Variants in USP34 observed in about 807,000 individuals in gnomAD.
USP34 encodes ubiquitin specific peptidase 34, also known as ubiquitin carboxyl-terminal hydrolase 34.
A neutral mutation model predicts 460.3 loss-of-function variants in USP34; 70 were observed. The ratio of observed to expected loss-of-function variants is 0.15; its 90% confidence interval spans 0.13 to 0.19. The LOEUF is 0.19. Ranked by LOEUF, USP34 falls within the 10% of genes least tolerant of loss-of-function variation. USP34 has a pLI of 1.00. For missense variants in USP34, 3,985 were observed against 4,236.2 expected (o/e 0.94, Z 1.65); for synonymous variants, 1,647 against 1,405.3 (o/e 1.17, Z -3.85).
At chr2:61,393,859 C>G (rs538810886) in intron 5 of USP34, among the ~76,000 whole-genome samples, 1 of 152,112 alleles carries the variant, frequency 6.6e-6, no homozygotes, top group African/African-American at 2.4e-5. Flanking sequence ...CTTTCCGGGC[C>G]GGGCACAGTC....
chr2:61,459,355 A>T (rs13410367), intron 1 of USP34, among the ~76,000 whole-genome samples: 9 of 152,222 alleles, frequency 5.9e-5, no homozygotes, highest in African/African-American at 2.2e-4. Context: ...AAAACACTGT[A>T]TAAGAAATTT....
chr2:61,387,213 C>G (rs1030481458), intron 5 of USP34, among the ~76,000 whole-genome samples: 1 of 151,976 alleles, frequency 6.6e-6, no homozygotes, highest in Non-Finnish European at 1.5e-5. Context: ...GTAATCAAAG[C>G]ACTTTGGGAG....
chr2:61,187,804 C>T lies in USP34; in HGVS notation c.*298G>A. The T allele has an allele frequency of 4.4e-6, 4 of 915,596 alleles. No individual in the cohort carries two copies. Among genetic ancestry groups the T allele is most frequent in the Non-Finnish European group, 5.7e-6 (4 of 701,258 alleles). The allele number at this position is 915,596 out of a possible 1,614,324, so 56.7% of individuals were successfully genotyped here. A position where few individuals can be genotyped will look rare whatever the true frequency, so the allele number is the denominator to read the frequency against. ...TGCTGTAAGTTTAAATTACATTGTACAGGGCTAGGCAACCCTGTTCTTCCC... is the reference window on the plus strand; with the variant it reads ...TGCTGTAAGTTTAAATTACATTGTATAGGGCTAGGCAACCCTGTTCTTCCC... On this transcript the variant is annotated 3_prime_UTR_variant, in exon 80 of 80. Transcript: ENST00000398571.
intron 1 of USP34, among the ~76,000 whole-genome samples, chr2:61,433,762 A>ACC (rs958773264): frequency 6.6e-6 from 1 of 151,992 alleles, no homozygotes; most frequent in Non-Finnish European, 1.5e-5. Flanking sequence ...GTGCTCCCCA[A>ACC]CCCCCACCTA....
intron 41 of USP34, among the ~76,000 whole-genome samples, chr2:61,268,022 G>A (rs920037574): frequency 6.6e-6 from 1 of 152,066 alleles, no homozygotes; most frequent in African/African-American, 2.4e-5. Context: ...CCAAAGTGCT[G>A]GGATTACAGA....
intron 75 of USP34, among the ~76,000 whole-genome samples, chr2:61,199,624 C>T (rs1318432158): frequency 1.3e-5 from 2 of 152,184 alleles, no homozygotes; most frequent in African/African-American, 2.4e-5. Context: ...AGATTTGCCC[C>T]ATAGACAGCT....
intron 44 of USP34, 57 bp downstream of exon 44, chr2:61,259,654 A>G (rs956166222): frequency 8.0e-5 from 124 of 1,553,698 alleles, no homozygotes; most frequent in Non-Finnish European, 1.0e-4. Flanking sequence ...CCAAAATGCT[A>G]TAATTACAGG....
rs1193164601 is a variant in USP34 at position 61,188,979 on chromosome 2, T to G, written c.9964A>C (p.Lys3322Gln). 1 of 1,614,258 alleles carries G rather than the reference T, an allele frequency of 6.2e-7. No individual in the cohort carries two copies. The highest frequency in any genetic ancestry group is 1.7e-5 in the Admixed American group (1 of 60,030). The change falls in exon 79 of 80, where the codon AAA becomes CAA. Residue 3322 changes from lysine to glutamine, a missense_variant. By Grantham distance (53) the Lys-to-Gln change is moderately conservative. Coordinates refer to ENST00000398571, the MANE Select transcript of USP34 (RefSeq NM_014709.4). ...LIPTLQELLS[K>Q]CRTCLQQRNS... ...CTCTGTTGCAGACAAGTCCTGCATTTGCTTAAAAGCTCTTGCAGAGTTGGA... is the reference window on the plus strand; with the variant it reads ...CTCTGTTGCAGACAAGTCCTGCATTGGCTTAAAAGCTCTTGCAGAGTTGGA...
At chr2:61,220,900 G>C (rs1481615424) in intron 66 of USP34, among the ~76,000 whole-genome samples, 1 of 152,150 alleles carries the variant, frequency 6.6e-6, no homozygotes, top group African/African-American at 2.4e-5. Context: ...ATCTAGAGTG[G>C]GGGTTGGCAA....
At chr2:61,404,577 T>C (rs553324219) in intron 3 of USP34, among the ~76,000 whole-genome samples, 2 of 152,254 alleles carry the variant, frequency 1.3e-5, no homozygotes, top group African/African-American at 4.8e-5. Context: ...AGGAAGCCAA[T>C]CTACCCTAGT....
At position 61,211,911 on chromosome 2, in the gene USP34, T is replaced by G; in HGVS notation, c.8701A>C (p.Asn2901His). The change falls in exon 69 of 80, where the codon AAC becomes CAC. Residue 2901 changes from asparagine to histidine, a missense_variant. By Grantham distance (68) the Asn-to-His change is moderately conservative (BLOSUM62 1). Around this residue, in one of 14 missense-constraint regions of USP34, gnomAD observed 275 missense variants for 292.7 expected, o/e 0.94. Transcript: ENST00000398571. ...TGAGCTATAAACAGCTGCATCAGGT[T>G]AAACAGTTCTTCTACTGCCTAAAAA... ...QYPGAVEELF[N>H]LMQLFIAQRP... is the part of the protein sequence containing the mutation. 1 of 1,607,206 alleles carries G rather than the reference T, an allele frequency of 6.2e-7. No homozygotes were observed. The highest frequency in any genetic ancestry group is 8.5e-7 in the Non-Finnish European group (1 of 1,178,186).
At chr2:61,450,711 C>T (rs1400234401) in intron 1 of USP34, among the ~76,000 whole-genome samples, 2 of 151,702 alleles carry the variant, frequency 1.3e-5, no homozygotes, top group Non-Finnish European at 2.9e-5. Flanking sequence ...AAAAGAAATA[C>T]GCAGAACCTA....
intron 75 of USP34, among the ~76,000 whole-genome samples, chr2:61,201,833 A>G (rs1318324484): frequency 1.3e-5 from 2 of 152,186 alleles, no homozygotes; most frequent in African/African-American, 2.4e-5. Flanking sequence ...AATTTTTTAA[A>G]AAGTGTTTTT....
chr2:61,390,671 T>C (rs1047540543), intron 5 of USP34, among the ~76,000 whole-genome samples: 4 of 152,204 alleles, frequency 2.6e-5, no homozygotes, highest in African/African-American at 9.6e-5. Flanking sequence ...TGTATGGGCT[T>C]GACGTTATTA....
chr2:61,314,348 G>T (rs949220105), intron 25 of USP34, among the ~76,000 whole-genome samples: 3 of 151,990 alleles, frequency 2.0e-5, no homozygotes, highest in African/African-American at 7.2e-5. Context: ...ATGCATATCT[G>T]CTCAAACTCT....
chr2:61,387,363 G>C (rs189051795), intron 5 of USP34, among the ~76,000 whole-genome samples: 1 of 151,786 alleles, frequency 6.6e-6, no homozygotes, highest in African/African-American at 2.4e-5. Flanking sequence ...TACTTGGAAA[G>C]CTGAGGCAGG....
At chr2:61,274,509 A>T (rs1254017550) in intron 41 of USP34, among the ~76,000 whole-genome samples, 2 of 152,202 alleles carry the variant, frequency 1.3e-5, no homozygotes, top group South Asian at 4.1e-4. Context: ...AATATTCTAC[A>T]AATTAGTTAA....
intron 2 of USP34, among the ~76,000 whole-genome samples, chr2:61,419,413 T>G (rs1694294451): frequency 6.6e-6 from 1 of 152,094 alleles, no homozygotes; most frequent in African/African-American, 2.4e-5. Context: ...TGATGAGACC[T>G]AAGAATTACT....
chr2:61,293,002 C>G (rs1037353715), intron 33 of USP34, among the ~76,000 whole-genome samples: 2 of 151,922 alleles, frequency 1.3e-5, no homozygotes, highest in Non-Finnish European at 2.9e-5. Flanking sequence ...ATAAAAATTT[C>G]TAGAGGCTTA....
Sources: gnomAD v4.1 joint callset for allele counts (sites outside exome capture counted in the v4.1 genomes callset) on GRCh38, gnomAD v4.1.1 for gene constraint, gnomAD v4.1.1 regional missense constraint, MANE v1.5 for transcripts, NCBI Gene and HGNC (gene_info 2026-07-23, HGNC 2026-07-21) for gene names.